SNTB2: variants seen among roughly 807,000 people sequenced by gnomAD.
SNTB2 encodes beta-2-syntrophin.
SNTB2 carries 34 observed loss-of-function variants against 46.2 expected under a neutral mutation model. That is an observed-to-expected ratio of 0.74 (90% CI 0.56 to 0.98). The LOEUF is 0.98. Among genes scored for constraint, SNTB2 ranks in the 50% least tolerant of loss-of-function variants. The probability of loss-of-function intolerance (pLI) is 0.00; values close to 1 mark genes in which losing one functional copy is unlikely to be tolerated. For missense variants in SNTB2, 603 were observed against 731.4 expected (o/e 0.82, Z 2.02); for synonymous variants, 290 against 312.6 (o/e 0.93, Z 0.76).
In SNTB2 at chr16:69,235,795, G is replaced by A. The variant is rs1351943070; in HGVS notation, c.581-9807G>A. 5.4e-6 allele frequency: 7 copies of A among 1,289,182 alleles called. No individual in the cohort carries two copies. The Admixed American group carries it at 1.6e-4, about 30-fold the overall frequency. 79.9% of individuals were successfully genotyped at this position (1,289,182 alleles called of 1,614,324 possible). On this transcript the variant is annotated intron_variant, in intron 1 of 6. Transcript: ENST00000336278. ...TCTGACCAATATCAGGGGCACATCAGCTGCTGTACTAAGTTTCTTCAAATA... is the reference window on the plus strand; with the variant it reads ...TCTGACCAATATCAGGGGCACATCAACTGCTGTACTAAGTTTCTTCAAATA...
intron 1 of SNTB2, 79 bp from the exon 2 acceptor site, chr16:69,245,523 A>G: frequency 7.5e-7 from 1 of 1,330,088 alleles, no homozygotes; most frequent in Non-Finnish European, 1.1e-6. Context: ...TAGATATAGC[A>G]TGTATGTGAA....
intron 3 of SNTB2, among the ~76,000 whole-genome samples, chr16:69,262,269 A>G (rs924887385): frequency 3.3e-5 from 5 of 151,816 alleles, no homozygotes; most frequent in African/African-American, 1.2e-4. Flanking sequence ...CTAAGTTTGG[A>G]TAGTGAGAGT....
At position 69,187,763 on chromosome 16, in the gene SNTB2, G is replaced by A. The variant is rs548149182; in HGVS notation, c.580+17G>A. The A allele has an allele frequency of 1.2e-5, 16 of 1,376,026 alleles. No individual in the cohort carries two copies. Among genetic ancestry groups the A allele is most frequent in the South Asian group, 4.5e-5 (3 of 66,300 alleles). 85.2% of individuals were successfully genotyped at this position (1,376,026 alleles called of 1,614,324 possible). On this transcript the variant is annotated intron_variant, in intron 1 of 6. Coordinates refer to ENST00000336278, the MANE Select transcript of SNTB2 (RefSeq NM_006750.4). ...TGCTGGAGGGTGAGCGGGGCCGGGC[G>A]GGAGGGTGGGCAGGCCGCGGCGGCC... is the stretch of plus-strand genomic sequence containing the variant.
rs1420006783 is a variant in SNTB2, at chr16:69,245,813, C to T, written c.792C>T (p.Asn264=). The T allele has an allele frequency of 1.2e-6, 2 of 1,613,950 alleles. No individual in the cohort carries two copies. ...ARNLSMPDLE[N]RLIELHSPDS... ...ACCTAAGCATGCCGGATCTGGAAAA[C>T]AGGTGAGGTGTACCTAACAAGAACA... Residue 264 remains asparagine (N), a splice_region_variant and synonymous_variant, in exon 2 of 7, where the codon AAC becomes AAT. Transcript: ENST00000336278.
chr16:69,286,298 T>C (rs1423408355), intron 5 of SNTB2, among the ~76,000 whole-genome samples: 2 of 152,248 alleles, frequency 1.3e-5, no homozygotes, highest in East Asian at 1.9e-4. Flanking sequence ...AGCCAGTAAT[T>C]CCAGCTACTT....
At chr16:69,226,914 A>G (rs1964464324) in intron 1 of SNTB2, among the ~76,000 whole-genome samples, 1 of 152,198 alleles carries the variant, frequency 6.6e-6, no homozygotes, top group Non-Finnish European at 1.5e-5. Context: ...TTTACTAAGG[A>G]GAATTTTGCT....
At chr16:69,230,157 A>G (rs1250795600) in intron 1 of SNTB2, among the ~76,000 whole-genome samples, 3 of 152,140 alleles carry the variant, frequency 2.0e-5, no homozygotes, top group Admixed American at 2.0e-4. Flanking sequence ...GAAAGTCCAA[A>G]CATTATAGAA....
chr16:69,219,270 A>G (rs1028715505), intron 1 of SNTB2, among the ~76,000 whole-genome samples: 4 of 152,342 alleles, frequency 2.6e-5, no homozygotes, highest in South Asian at 4.1e-4. Flanking sequence ...AAATAACCTA[A>G]GGAAAATTAG....
intron 2 of SNTB2, 68 bp downstream of exon 2, chr16:69,245,883 T>G: frequency 6.8e-7 from 1 of 1,472,098 alleles, no homozygotes; most frequent in Non-Finnish European, 9.5e-7. Flanking sequence ...TGCAGTATTA[T>G]ATGACTCTGT....
intron 2 of SNTB2, among the ~76,000 whole-genome samples, chr16:69,251,867 C>T (rs957486139): frequency 6.6e-6 from 1 of 152,148 alleles, no homozygotes; most frequent in East Asian, 1.9e-4. Context: ...GGGTGGATCA[C>T]CTGAGGTCAG....
chr16:69,273,826 T>G (rs1964961191), intron 4 of SNTB2, among the ~76,000 whole-genome samples: 1 of 152,194 alleles, frequency 6.6e-6, no homozygotes, highest in South Asian at 2.1e-4. Context: ...TACTGAAACT[T>G]TCTGTGCCAC....
chr16:69,265,839 A>C (rs982355288), intron 3 of SNTB2, among the ~76,000 whole-genome samples: 1 of 151,898 alleles, frequency 6.6e-6, no homozygotes, highest in African/African-American at 2.4e-5. Context: ...AGAAAAAAAA[A>C]AAAAAAAAAG....
intron 1 of SNTB2, among the ~76,000 whole-genome samples, chr16:69,243,571 A>G (rs1275659936): frequency 6.6e-6 from 1 of 152,250 alleles, no homozygotes; most frequent in Non-Finnish European, 1.5e-5. Flanking sequence ...TTCATTTAGA[A>G]TGTCTTTAAT....
At chr16:69,286,128 T>G (rs1379243393) in intron 5 of SNTB2, among the ~76,000 whole-genome samples, 1 of 152,060 alleles carries the variant, frequency 6.6e-6, no homozygotes, top group Non-Finnish European at 1.5e-5. Flanking sequence ...TATTTATTTA[T>G]TTTTTTAGAG....
chr16:69,192,476 T>C (rs558902702), intron 1 of SNTB2, among the ~76,000 whole-genome samples: 1 of 152,350 alleles, frequency 6.6e-6, no homozygotes, highest in Non-Finnish European at 1.5e-5. Flanking sequence ...ACTTAAGCCA[T>C]GTAACTGTCT....
chr16:69,248,813 A>T (rs1964696335), intron 2 of SNTB2, among the ~76,000 whole-genome samples: 1 of 151,178 alleles, frequency 6.6e-6, no homozygotes. Context: ...AAAGAGAGAG[A>T]CAGAGAGAAA....
rs1406683210 is a variant in SNTB2, at chr16:69,306,817, G to C, written c.*5893G>C. On this transcript the variant is annotated 3_prime_UTR_variant, in exon 7 of 7. Transcript: ENST00000336278. ...CTGGGCATGGTGGTGCGCGCCTGTG[G>C]TCCCAGCTACTCGGGAGGCTGAGGT... 6.6e-6 allele frequency: 1 copy of C among 152,290 alleles called. No individual in the cohort carries two copies. Among genetic ancestry groups the C allele is most frequent in the Non-Finnish European group, 1.5e-5 (1 of 68,182 alleles). 9.4% of individuals were successfully genotyped at this position (152,290 alleles called of 1,614,324 possible).
At chr16:69,258,687 C>T (rs200130473) in intron 2 of SNTB2, among the ~76,000 whole-genome samples, 1 of 144,794 alleles carries the variant, frequency 6.9e-6, no homozygotes, top group East Asian at 2.0e-4. Flanking sequence ...TCTTGGCTCA[C>T]TGCAACCTCC....
intron 5 of SNTB2, among the ~76,000 whole-genome samples, chr16:69,292,430 ATATAT>A (rs1315861919): frequency 0.29 from 3,388 of 11,570 alleles, 709 homozygotes; most frequent in Non-Finnish European, 0.34. Flanking sequence ...ATATATATAT[ATATAT>A]TATATATATA....
Sources: allele counts gnomAD v4.1 joint callset (sites outside exome capture counted in the v4.1 genomes callset), GRCh38; gene constraint gnomAD v4.1.1; transcripts MANE v1.5; gene names NCBI Gene and HGNC (gene_info 2026-07-23, HGNC 2026-07-21).